The following NKAIN2 variants were observed in gnomAD, a reference collection of about 807,000 sequenced individuals.
NKAIN2 encodes sodium/potassium-transporting ATPase subunit beta-1-interacting protein 2.
A neutral mutation model predicts 32.6 loss-of-function variants in NKAIN2; 14 were observed. That is an observed-to-expected ratio of 0.43 (90% CI 0.28 to 0.67). The LOEUF (loss-of-function observed/expected upper bound fraction) is 0.67, where lower values mean the gene tolerates loss of function less well. Ranked by LOEUF, NKAIN2 falls within the 30% of genes least tolerant of loss-of-function variation. NKAIN2 has a pLI of 0.17. For synonymous variants in NKAIN2, 80 were observed against 87.2 expected, an observed-to-expected ratio of 0.92 and a Z score of 0.46; for missense variants, 198 against 258.3, an observed-to-expected ratio of 0.77 and a Z score of 1.60.
At chr6:123,903,962 T>G (rs976795010) in intron 1 of NKAIN2, among the ~76,000 whole-genome samples, 6 of 151,618 alleles carry the variant, frequency 4.0e-5, no homozygotes, top group Admixed American at 3.9e-4. Flanking sequence ...GCGTGGTGGC[T>G]CACGCCTGTA....
intron 3 of NKAIN2, among the ~76,000 whole-genome samples, chr6:124,624,284 G>A (rs2114269459): frequency 6.6e-6 from 1 of 152,222 alleles, no homozygotes; most frequent in African/African-American, 2.4e-5. Context: ...GAGGCCAATA[G>A]GATATGAGTG....
intron 3 of NKAIN2, among the ~76,000 whole-genome samples, chr6:124,359,384 T>C (rs1799157827): frequency 6.6e-6 from 1 of 152,202 alleles, no homozygotes. Flanking sequence ...TTTCACGATA[T>C]TGATTCTTCT....
chr6:124,626,094 T>TCCCCCCCCCC (rs145583253), intron 3 of NKAIN2, among the ~76,000 whole-genome samples: 1 of 90,592 alleles, frequency 1.1e-5, no homozygotes, highest in Non-Finnish European at 2.1e-5. Flanking sequence ...CCCTCCCCAC[T>TCCCCCCCCCC]CCCCACACCC....
chr6:124,255,910 A>T (rs1488763249), intron 1 of NKAIN2, among the ~76,000 whole-genome samples: 3 of 152,182 alleles, frequency 2.0e-5, no homozygotes, highest in Non-Finnish European at 4.4e-5. Context: ...TCTTTGGGGC[A>T]TCGTTTCCTT....
intron 4 of NKAIN2, among the ~76,000 whole-genome samples, chr6:124,776,233 C>G (rs1778977682): frequency 6.6e-6 from 1 of 152,140 alleles, no homozygotes; most frequent in African/African-American, 2.4e-5. Flanking sequence ...TAACTATGGA[C>G]TTTATATTTC....
At chr6:124,363,447 G>T (rs1299709254) in intron 3 of NKAIN2, among the ~76,000 whole-genome samples, 2 of 152,154 alleles carry the variant, frequency 1.3e-5, no homozygotes, top group African/African-American at 4.8e-5. Context: ...GTATAAATCA[G>T]CATAGCTTTG....
At chr6:124,363,001 A>C (rs1022567189) in intron 3 of NKAIN2, among the ~76,000 whole-genome samples, 2 of 151,820 alleles carry the variant, frequency 1.3e-5, no homozygotes, top group Non-Finnish European at 2.9e-5. Flanking sequence ...CACTAGGCTA[A>C]TTTTTGTATT....
intron 1 of NKAIN2, among the ~76,000 whole-genome samples, chr6:124,219,390 G>T (rs1791681410): frequency 2.6e-5 from 4 of 150,946 alleles, no homozygotes; most frequent in Admixed American, 2.0e-4. Context: ...TGATTCTCCT[G>T]CCTCAGCCTC....
chr6:124,368,064 T>C (rs9482541), intron 3 of NKAIN2, among the ~76,000 whole-genome samples: 6,151 of 152,208 alleles, frequency 0.04, 410 homozygotes, highest in African/African-American at 0.14. Context: ...TGCTTTTGTG[T>C]GGTAAAATTC....
chr6:124,426,552 C>T (rs1268307302), intron 3 of NKAIN2, among the ~76,000 whole-genome samples: 4 of 151,930 alleles, frequency 2.6e-5, no homozygotes, highest in South Asian at 4.2e-4. Context: ...ATAGACAGAT[C>T]GAAAATAAGT....
intron 1 of NKAIN2, among the ~76,000 whole-genome samples, chr6:123,820,080 G>A (rs1352432926): frequency 6.6e-6 from 1 of 152,096 alleles, no homozygotes; most frequent in African/African-American, 2.4e-5. Context: ...TATCATCAGC[G>A]TCCTTGTAAT....
intron 1 of NKAIN2, among the ~76,000 whole-genome samples, chr6:123,985,839 T>C (rs1031186970): frequency 6.6e-6 from 1 of 152,124 alleles, no homozygotes. Flanking sequence ...AGAGAAGGAA[T>C]ACTTAACCAG....
intron 3 of NKAIN2, among the ~76,000 whole-genome samples, chr6:124,611,652 ACAC>A (rs1445553347): frequency 2.6e-5 from 4 of 152,086 alleles, no homozygotes; most frequent in Admixed American, 2.6e-4. Context: ...CCTGTGGTAA[ACAC>A]CACTTTAAAT....
intron 3 of NKAIN2, among the ~76,000 whole-genome samples, chr6:124,375,618 A>G (rs139178947): frequency 1.3e-3 from 191 of 152,010 alleles, no homozygotes; most frequent in Admixed American, 3.7e-3. Flanking sequence ...ACTTTATACA[A>G]TAAAGAACAA....
chr6:124,034,944 C>A (rs1781547090), intron 1 of NKAIN2, among the ~76,000 whole-genome samples: 2 of 151,698 alleles, frequency 1.3e-5, no homozygotes, highest in South Asian at 4.1e-4. Context: ...TTTTTTCTAA[C>A]CACTTGTTTA....
chr6:124,616,068 T>G (rs1288261927), intron 3 of NKAIN2, among the ~76,000 whole-genome samples: 3 of 152,156 alleles, frequency 2.0e-5, no homozygotes, highest in African/African-American at 4.8e-5. Flanking sequence ...TTGGGGATAT[T>G]TCTCTATAGC....
intron 1 of NKAIN2, among the ~76,000 whole-genome samples, chr6:123,928,043 T>C (rs1485985363): frequency 6.6e-6 from 1 of 152,112 alleles, no homozygotes. Context: ...GTGGTACATA[T>C]ATACCATGGC....
At chr6:123,975,006 A>G (rs972024074) in intron 1 of NKAIN2, among the ~76,000 whole-genome samples, 1 of 152,140 alleles carries the variant, frequency 6.6e-6, no homozygotes, top group Non-Finnish European at 1.5e-5. Context: ...GAATCCATTT[A>G]TTTCCTCATT....
chr6:124,572,168 TC>T (rs1781152565), intron 3 of NKAIN2, among the ~76,000 whole-genome samples: 1 of 152,166 alleles, frequency 6.6e-6, no homozygotes, highest in African/African-American at 2.4e-5. Context: ...TCATCCTTCC[TC>T]CATCTTTGTT....
Sources: gnomAD v4.1 joint callset for allele counts (sites outside exome capture counted in the v4.1 genomes callset) on GRCh38, gnomAD v4.1.1 for gene constraint, MANE v1.5 for transcripts, NCBI Gene and HGNC (gene_info 2026-07-23, HGNC 2026-07-21) for gene names.